The following SENP7 variants were observed in gnomAD, a reference collection of about 807,000 sequenced individuals.
The protein encoded by SENP7 is SUMO specific peptidase 7.
In SENP7, 64 loss-of-function variants were observed where a neutral mutation model predicts 141.2. That is an observed-to-expected ratio of 0.45 (90% CI 0.37 to 0.56). The LOEUF (loss-of-function observed/expected upper bound fraction) is 0.56, where lower values mean the gene tolerates loss of function less well. SENP7 is among the 20% of genes least tolerant of loss of function. The pLI, the probability that SENP7 is intolerant of heterozygous loss-of-function variation, is 0.00. For synonymous variants in SENP7, 382 were observed against 426.4 expected (o/e 0.90, Z 1.28); for missense variants, 1,025 against 1,212.2 (o/e 0.85, Z 2.29).
chr3:101,488,745 C>T (rs112671221), intron 3 of SENP7, among the ~76,000 whole-genome samples: 7,519 of 152,166 alleles, frequency 0.049, 265 homozygotes, highest in Non-Finnish European at 0.073. Context: ...GGGAGGCTGA[C>T]GCAGGAGAAT....
At chr3:101,376,640 G>T (rs1028422120) in intron 6 of SENP7, among the ~76,000 whole-genome samples, 3 of 151,922 alleles carry the variant, frequency 2.0e-5, no homozygotes, top group Non-Finnish European at 4.4e-5. Context: ...GTTGTGGGGT[G>T]GGGGGAGCGG....
At chr3:101,326,803 TGG>T (rs2058912158) in intron 23 of SENP7, among the ~76,000 whole-genome samples, 1 of 152,130 alleles carries the variant, frequency 6.6e-6, no homozygotes, top group Non-Finnish European at 1.5e-5. Context: ...CCAATCTTGC[TGG>T]GACTCCAGTA....
intron 4 of SENP7, 106 bp downstream of exon 4, chr3:101,458,849 A>G (rs769089135): frequency 3.1e-6 from 2 of 653,096 alleles, no homozygotes; most frequent in East Asian, 2.6e-5. Context: ...CAAACCTTCT[A>G]TTTTAAACAT....
chr3:101,397,482 A>G (rs928626528), intron 6 of SENP7, among the ~76,000 whole-genome samples: 1 of 152,196 alleles, frequency 6.6e-6, no homozygotes, highest in African/African-American at 2.4e-5. Context: ...CCAATTACAC[A>G]TTAAATTTAG....
chr3:101,404,485 A>G (rs1343349343), intron 5 of SENP7, among the ~76,000 whole-genome samples: 1 of 152,232 alleles, frequency 6.6e-6, no homozygotes, highest in Non-Finnish European at 1.5e-5. Context: ...AATTTAGGCA[A>G]TACCATGCAG....
At chr3:101,459,773 T>C (rs2063490819) in intron 3 of SENP7, among the ~76,000 whole-genome samples, 1 of 152,122 alleles carries the variant, frequency 6.6e-6, no homozygotes, top group Non-Finnish European at 1.5e-5. Flanking sequence ...CGATTCGCAA[T>C]AACCAAAAGA....
chr3:101,431,255 G>A (rs1255392539), intron 4 of SENP7, among the ~76,000 whole-genome samples: 1 of 152,024 alleles, frequency 6.6e-6, no homozygotes, highest in East Asian at 1.9e-4. Context: ...CTGTCTCATT[G>A]ATCTGTCTAA....
intron 6 of SENP7, among the ~76,000 whole-genome samples, chr3:101,387,119 G>A (rs1205185720): frequency 6.6e-6 from 1 of 152,076 alleles, no homozygotes; most frequent in East Asian, 1.9e-4. Flanking sequence ...TCAGGGACCT[G>A]GGAAGCAACC....
At position 101,357,812 on chromosome 3, in the gene SENP7, A is replaced by T. The variant is rs1486233328; in HGVS notation, c.1623+3903T>A. 6 of 594,808 alleles carry T rather than the reference A, an allele frequency of 1.0e-5. No individual in the cohort carries two copies. The African/African-American group carries it at 1.1e-4, about 11-fold the overall frequency. 36.8% of individuals were successfully genotyped at this position (594,808 alleles called of 1,614,324 possible). A position where few individuals can be genotyped will look rare whatever the true frequency, so the allele number is the denominator to read the frequency against. ...TTAACCAGTCCTCAACCCTTACTAC[A>T]CATAAGAAAGTTCATACTGGAGAGA... is the stretch of plus-strand genomic sequence containing the variant. On this transcript the variant is annotated intron_variant, in intron 11 of 23. Transcript: ENST00000394095.
At chr3:101,433,764 T>G (rs542666078) in intron 4 of SENP7, among the ~76,000 whole-genome samples, 24 of 152,242 alleles carry the variant, frequency 1.6e-4, no homozygotes, top group African/African-American at 5.8e-4. Context: ...CACCCAGATA[T>G]ACCAAGGAAA....
In SENP7 at chr3:101,365,634, CAAAAAAAAAAAA is replaced by C. The variant is rs1010380283; in HGVS notation, c.1319-655_1319-644del. ...TGGCCGACAGAGAGAGACTCTGTCT[CAAAAAAAAAAAA>C]AAAAAAAAAAAGAACTTTCTAATTA... On this transcript the variant is annotated intron_variant, in intron 9 of 23. Transcript: ENST00000394095. Among the ~76,000 whole-genome samples the C allele has an allele frequency of 8.0e-5, 5 of 62,134 alleles. No individual in the cohort carries two copies. The South Asian group carries it at 2.6e-3, about 32-fold the overall frequency. The allele number at this position is 62,134 out of a possible 152,430, so 40.8% of individuals were successfully genotyped here. A position where few individuals can be genotyped will look rare whatever the true frequency, so the allele number is the denominator to read the frequency against.
intron 3 of SENP7, among the ~76,000 whole-genome samples, chr3:101,469,126 A>G (rs758826993): frequency 3.3e-5 from 5 of 152,196 alleles, no homozygotes; most frequent in Non-Finnish European, 7.3e-5. Context: ...AGGCCATTAC[A>G]TAATGGTAAA....
intron 6 of SENP7, among the ~76,000 whole-genome samples, chr3:101,388,993 A>G (rs1403640355): frequency 6.6e-6 from 1 of 152,164 alleles, no homozygotes; most frequent in Non-Finnish European, 1.5e-5. Flanking sequence ...CATGACATAT[A>G]AGACATCATA....
rs765166820 is a variant in SENP7, at chr3:101,343,821, C to G, written c.1971G>C (p.Trp657Cys). The G allele has an allele frequency of 1.2e-6, 2 of 1,613,788 alleles. No homozygotes were observed. The highest frequency in any genetic ancestry group is 1.7e-6 in the Non-Finnish European group (2 of 1,179,870). ...GELELSYPLS[W>C]VQAFPLFQNL... The stretch of plus-strand genomic sequence containing the variant: ...TCTGAAACAAAGGAAATGCCTGAAC[C>G]CAAGACAACGGGTAAGAAAGCTCTA... The change falls in exon 14 of 24, where the codon TGG (tryptophan) becomes TGC (cysteine). Residue 657 changes from tryptophan (W) to cysteine (C), a missense_variant. Around this residue, in one of 4 missense-constraint regions of SENP7, gnomAD observed 228 missense variants for 228.5 expected, o/e 1.00. Coordinates refer to ENST00000394095, the MANE Select transcript of SENP7 (RefSeq NM_020654.5).
intron 4 of SENP7, among the ~76,000 whole-genome samples, chr3:101,432,418 A>G (rs1016926635): frequency 6.6e-6 from 1 of 152,220 alleles, no homozygotes. Context: ...CTTGCTGATC[A>G]TAGAGCCCTG....
chr3:101,441,624 A>G (rs913022448), intron 4 of SENP7, among the ~76,000 whole-genome samples: 7 of 152,006 alleles, frequency 4.6e-5, no homozygotes, highest in African/African-American at 1.7e-4. Context: ...GTTTCCTGTC[A>G]CCTACCTCGG....
intron 6 of SENP7, among the ~76,000 whole-genome samples, chr3:101,385,388 CA>C: frequency 6.6e-6 from 1 of 152,138 alleles, no homozygotes; most frequent in African/African-American, 2.4e-5. Context: ...GGAGATTAAA[CA>C]GTGCTCAGTC....
At chr3:101,500,382 CCT>C (rs953020274) in intron 2 of SENP7, among the ~76,000 whole-genome samples, 2 of 151,996 alleles carry the variant, frequency 1.3e-5, no homozygotes, top group African/African-American at 4.8e-5. Flanking sequence ...TAGCAAGACC[CCT>C]GTCTCTACAA....
At chr3:101,432,960 T>C (rs933735673) in intron 4 of SENP7, among the ~76,000 whole-genome samples, 1 of 152,096 alleles carries the variant, frequency 6.6e-6, no homozygotes, top group East Asian at 1.9e-4. Context: ...AAAGAAAGAA[T>C]ATCATAACAC....
Sources: gnomAD v4.1 joint callset for allele counts (sites outside exome capture counted in the v4.1 genomes callset) on GRCh38, gnomAD v4.1.1 for gene constraint, gnomAD v4.1.1 regional missense constraint, MANE v1.5 for transcripts, NCBI Gene and HGNC (gene_info 2026-07-23, HGNC 2026-07-21) for gene names.